The following DCBLD1 variants were observed in gnomAD, a reference collection of about 807,000 sequenced individuals.
DCBLD1 encodes discoidin, CUB and LCCL domain-containing protein 1.
DCBLD1 carries 57 observed loss-of-function variants against 71.5 expected under a neutral mutation model. That is an observed-to-expected ratio of 0.80 (90% CI 0.64 to 0.99). The LOEUF (loss-of-function observed/expected upper bound fraction) is 0.99. Ranked by LOEUF, DCBLD1 falls within the 50% of genes least tolerant of loss-of-function variation. DCBLD1 has a pLI of 0.00. For synonymous variants in DCBLD1, 380 were observed against 363.8 expected (o/e 1.04, Z -0.51); for missense variants, 891 against 923.5 (o/e 0.96, Z 0.46).
chr6:117,558,801 T>C (rs1397811280), intron 14 of DCBLD1, among the ~76,000 whole-genome samples: 1 of 152,186 alleles, frequency 6.6e-6, no homozygotes. Flanking sequence ...ACCCTCTGCC[T>C]AGCATGTACC....
chr6:117,543,629 G>A (rs1478121089), intron 12 of DCBLD1, among the ~76,000 whole-genome samples: 1 of 152,030 alleles, frequency 6.6e-6, no homozygotes, highest in Non-Finnish European at 1.5e-5. Context: ...CAAAGCACTG[G>A]GATTATAGGC....
chr6:117,566,772 C>A, intron 14 of DCBLD1: 1 of 837,366 alleles, frequency 1.2e-6, no homozygotes, highest in Non-Finnish European at 1.8e-6. Context: ...AACAGTTTTA[C>A]TGAAGAAATT....
exon 15 of DCBLD1, chr6:117,569,657 T>C (rs1449986914): frequency 4.3e-6 from 7 of 1,612,686 alleles, no homozygotes; most frequent in Admixed American, 3.3e-5. Flanking sequence ...ATCCCCAACG[T>C]GCAGCCCTCC....
Position 117,532,356 on chromosome 6 carries a change from T to C in DCBLD1, c.682T>C (p.Tyr228His). Reference sequence around the variant, plus strand: ...GCTTCAGCGCAAAGGGATCAGTCGATATGAAGGGATTCTGGCCAATGGTGT... The same window carrying C: ...GCTTCAGCGCAAAGGGATCAGTCGACATGAAGGGATTCTGGCCAATGGTGT... The part of the protein sequence containing the change: ...SVLQRKGISR[Y>H]EGILANGVLS... The change falls in exon 6 of 15, where the codon TAT (tyrosine) becomes CAT (histidine). Residue 228 changes from tyrosine to histidine, a missense_variant. Physicochemically the swap from Tyr to His is moderately conservative, Grantham distance 83. Transcript: ENST00000338728. 1 of 1,612,864 alleles carries C rather than the reference T, an allele frequency of 6.2e-7. No individual in the cohort carries two copies. The highest frequency in any genetic ancestry group is 8.5e-7 in the Non-Finnish European group (1 of 1,179,714).
intron 14 of DCBLD1, among the ~76,000 whole-genome samples, chr6:117,569,177 T>C (rs1779757561): frequency 6.6e-6 from 1 of 152,222 alleles, no homozygotes; most frequent in Non-Finnish European, 1.5e-5. Flanking sequence ...CTAAAATCAA[T>C]CTACTTCTAG....
intron 6 of DCBLD1, among the ~76,000 whole-genome samples, chr6:117,534,558 T>C (rs1445900913): frequency 1.3e-5 from 2 of 152,210 alleles, no homozygotes; most frequent in Non-Finnish European, 2.9e-5. Flanking sequence ...AATCTGTTTT[T>C]TGGAATCGTT....
chr6:117,509,446 A>C (rs1777943455), intron 2 of DCBLD1, among the ~76,000 whole-genome samples: 2 of 152,150 alleles, frequency 1.3e-5, no homozygotes, highest in South Asian at 4.1e-4. Context: ...AAAATAAAAC[A>C]AAATGGGCAA....
intron 4 of DCBLD1, among the ~76,000 whole-genome samples, chr6:117,523,013 G>A (rs1778434857): frequency 6.6e-6 from 1 of 152,150 alleles, no homozygotes; most frequent in African/African-American, 2.4e-5. Flanking sequence ...ATGTCTAATA[G>A]GGGGAAAAAT....
Position 117,503,997 on chromosome 6 carries a change from G to T in DCBLD1, c.325+18G>T, listed in dbSNP as rs755790048. The T allele has an allele frequency of 5.0e-6, 8 of 1,611,946 alleles. No homozygotes were observed. Among genetic ancestry groups the T allele is most frequent in the Admixed American group, 1.7e-5 (1 of 59,758 alleles). On this transcript the variant is annotated intron_variant, in intron 2 of 14. Coordinates refer to ENST00000338728, the MANE Select transcript of DCBLD1 (RefSeq NM_001366458.2). The stretch of plus-strand genomic sequence containing the variant: ...TCAATATGGTAAGAAAAGAGAACTA[G>T]GTTTCTCTGAGCATCAAAATTTTTG...
chr6:117,526,288 A>G (rs891030734), intron 5 of DCBLD1, among the ~76,000 whole-genome samples: 1 of 152,078 alleles, frequency 6.6e-6, no homozygotes, highest in Non-Finnish European at 1.5e-5. Flanking sequence ...TTTTTTATTT[A>G]CAAGATTGAC....
In DCBLD1 at chr6:117,532,244, T is replaced by C; in HGVS notation, c.586-16T>C. On this transcript the variant is annotated splice_polypyrimidine_tract_variant and intron_variant, in intron 5 of 14. Transcript: ENST00000338728. ...TGTTCTTTTAAGTTCTGCATAATGATGTTGCTGTGTTTCAGACCTCTTTAT... is the reference window on the plus strand; with the variant it reads ...TGTTCTTTTAAGTTCTGCATAATGACGTTGCTGTGTTTCAGACCTCTTTAT... 6.3e-7 allele frequency: 1 copy of C among 1,581,454 alleles called. No homozygotes were observed. Among genetic ancestry groups the C allele is most frequent in the Non-Finnish European group, 8.5e-7 (1 of 1,170,142 alleles).
rs1382738442 is a variant in DCBLD1, at chr6:117,548,292, G to A, written c.2001G>A (p.Arg667=). 1 of 1,550,624 alleles carries A rather than the reference G, an allele frequency of 6.4e-7. No individual in the cohort carries two copies. The highest frequency in any genetic ancestry group is 8.7e-7 in the Non-Finnish European group (1 of 1,147,002). ...AGCCTGCGGACAGGGGCTACGACCG[G>A]CCCAAAGCTGTCAGCGCCCTCGCCA... ...SAQPADRGYD[R]PKAVSALATE... is the part of the protein sequence containing the mutation. The change falls in exon 15 of 15, where the codon CGG becomes CGA. Residue 667 remains arginine (R), a synonymous_variant. Transcript: ENST00000338728.
At chr6:117,550,404 G>A (rs1386591615), downstream of DCBLD1, among the ~76,000 whole-genome samples, 1 of 152,186 alleles carries the variant, frequency 6.6e-6, no homozygotes, top group Non-Finnish European at 1.5e-5. Context: ...TGCAATATCA[G>A]CATATATGAT....
Position 117,540,938 on chromosome 6 carries a change from C to T in DCBLD1, c.1270C>T (p.Arg424Cys), listed in dbSNP as rs756293857. Residue 424 changes from arginine to cysteine, a missense_variant, in exon 11 of 15, where the codon CGC (arginine) becomes TGC (cysteine). By Grantham distance (180) the Arg-to-Cys change is radical (BLOSUM62 -3). Transcript: ENST00000338728. ...CTCAGGTAATGATTCATTGGTGTGG[C>T]GCAAGACAAGTCAAAGCACCAGTGT... ...ITQGNDSLVW[R>C]KTSQSTSVST... 1.2e-6 allele frequency: 2 copies of T among 1,613,920 alleles called. No individual in the cohort carries two copies. Among genetic ancestry groups the T allele is most frequent in the Non-Finnish European group, 1.7e-6 (2 of 1,180,020 alleles).
chr6:117,530,055 T>G (rs11510517), intron 5 of DCBLD1, among the ~76,000 whole-genome samples: 46,748 of 151,960 alleles, frequency 0.31, 8,287 homozygotes, highest in African/African-American at 0.49. Context: ...GGGTTCCTAG[T>G]ATGAAGACCG....
At chr6:117,537,594 C>A in intron 7 of DCBLD1, among the ~76,000 whole-genome samples, 1 of 147,592 alleles carries the variant, frequency 6.8e-6, no homozygotes, top group Admixed American at 6.8e-5. Flanking sequence ...TTCCTCCATA[C>A]CCTTCAGATT....
chr6:117,509,490 A>G (rs192569649), intron 2 of DCBLD1, among the ~76,000 whole-genome samples: 47 of 152,260 alleles, frequency 3.1e-4, no homozygotes, highest in Middle Eastern at 6.8e-3. Flanking sequence ...GGTGACTGGC[A>G]CACTTATATA....
At chr6:117,562,374 TTG>T (rs1433718350) in intron 14 of DCBLD1, 1 of 199,348 alleles carries the variant, frequency 5.0e-6, no homozygotes, top group Admixed American at 6.0e-5. Context: ...CCAGAAAAAT[TTG>T]TCTTTAAGTG....
At chr6:117,526,909 G>A (rs540980305) in intron 5 of DCBLD1, among the ~76,000 whole-genome samples, 1 of 152,180 alleles carries the variant, frequency 6.6e-6, no homozygotes, top group Non-Finnish European at 1.5e-5. Context: ...TCTGCTTCAG[G>A]GTCTTATAAA....
Sources: gnomAD v4.1 joint callset for allele counts (sites outside exome capture counted in the v4.1 genomes callset) on GRCh38, gnomAD v4.1.1 for gene constraint, MANE v1.5 for transcripts, NCBI Gene and HGNC (gene_info 2026-07-23, HGNC 2026-07-21) for gene names.